UGT1A10: variants seen among roughly 807,000 people sequenced by gnomAD.
UGT1A10 encodes the protein UDP glucuronosyltransferase family 1 member A10.
UGT1A10 carries 49 observed loss-of-function variants against 45.8 expected under a neutral mutation model. The ratio of observed to expected loss-of-function variants is 1.07; its 90% CI spans 0.85 to 1.36. UGT1A10 has a LOEUF of 1.36. Ranked by LOEUF, UGT1A10 falls within the 40% of genes most tolerant of loss-of-function variation. The pLI is 0.00. For synonymous variants in UGT1A10, 284 were observed against 249.7 expected, an observed-to-expected ratio of 1.14 and a Z score of -1.29; for missense variants, 745 against 668.6, an observed-to-expected ratio of 1.11 and a Z score of -1.26.
chr2:233,734,094 C>T (rs981980802), intron 1 of UGT1A10, among the ~76,000 whole-genome samples: 3 of 151,762 alleles, frequency 2.0e-5, no homozygotes, highest in African/African-American at 7.3e-5. Flanking sequence ...CACCCTAAAA[C>T]TTAAAGTATA....
chr2:233,703,725 A>AC (rs2125593677), intron 1 of UGT1A10, among the ~76,000 whole-genome samples: 1 of 152,128 alleles, frequency 6.6e-6, no homozygotes, highest in East Asian at 1.9e-4. Flanking sequence ...TTAAATATAA[A>AC]CTTTTTTTTG....
At chr2:233,674,162 A>G (rs1214639347) in intron 1 of UGT1A10, among the ~76,000 whole-genome samples, 1 of 152,214 alleles carries the variant, frequency 6.6e-6, no homozygotes, top group Non-Finnish European at 1.5e-5. Context: ...TTGGTAACAC[A>G]GTCATATTCT....
chr2:233,641,835 C>A (rs977714640), intron 1 of UGT1A10, among the ~76,000 whole-genome samples: 1 of 152,088 alleles, frequency 6.6e-6, no homozygotes, highest in Admixed American at 6.6e-5. Context: ...ATGCCACTCT[C>A]TCCTGGCCTG....
chr2:233,724,108 C>T (rs1455095780), intron 1 of UGT1A10, among the ~76,000 whole-genome samples: 64 of 55,750 alleles, frequency 1.1e-3, no homozygotes, highest in South Asian at 2.6e-3. Context: ...TAGGGGCGGC[C>T]GGGCAGAGGC....
intron 1 of UGT1A10, among the ~76,000 whole-genome samples, chr2:233,686,724 G>C (rs948109683): frequency 6.6e-6 from 1 of 152,120 alleles, no homozygotes; most frequent in Non-Finnish European, 1.5e-5. Context: ...CGGCTATGAA[G>C]GTCAACCTCT....
chr2:233,657,010 C>T (rs1351457913), intron 1 of UGT1A10, among the ~76,000 whole-genome samples: 1 of 151,976 alleles, frequency 6.6e-6, no homozygotes, highest in Middle Eastern at 3.2e-3. Context: ...AACCTTTCTA[C>T]GTCTTTATGA....
chr2:233,769,481 G>C lies in UGT1A10; in HGVS notation c.1295+1042G>C. ...TTCATATGCGTGTGTGTGTGTGTGCGTGTGTTTATGAGAGTGTCCATTGCT... is the reference window on the plus strand; with the variant it reads ...TTCATATGCGTGTGTGTGTGTGTGCCTGTGTTTATGAGAGTGTCCATTGCT... On this transcript the variant is annotated intron_variant, in intron 4 of 4. Coordinates refer to ENST00000344644, the MANE Select transcript of UGT1A10 (RefSeq NM_019075.4). This position sits in a 1 kb window ranked among gnomAD's most constrained non-coding sequence, Gnocchi z 4.4. 6.2e-7 allele frequency: 1 copy of C among 1,612,192 alleles called. No homozygotes were observed. The highest frequency in any genetic ancestry group is 1.1e-5 in the South Asian group (1 of 91,012).
chr2:233,648,764 TG>T, intron 1 of UGT1A10: 1 of 740,526 alleles, frequency 1.4e-6, no homozygotes, highest in African/African-American at 1.8e-5. Flanking sequence ...ACACCCAGCC[TG>T]GATGCCATGA....
chr2:233,712,799 T>C (rs2076255555), intron 1 of UGT1A10, among the ~76,000 whole-genome samples: 1 of 152,254 alleles, frequency 6.6e-6, no homozygotes, highest in Non-Finnish European at 1.5e-5. Context: ...GTGATCGGTC[T>C]TTCCCAGGGT....
chr2:233,754,105 C>T (rs1695394703), intron 1 of UGT1A10, among the ~76,000 whole-genome samples: 1 of 152,196 alleles, frequency 6.6e-6, no homozygotes, highest in South Asian at 2.1e-4. Context: ...TCAACTCTTC[C>T]TACATCACGA....
chr2:233,760,416 GCTTGGGGC>G, intron 1 of UGT1A10: 1 of 1,614,218 alleles, frequency 6.2e-7, no homozygotes, highest in Non-Finnish European at 8.5e-7. Flanking sequence ...GGCTGAGCAT[GCTTGGGGC>G]CATCCAGCAG....
intron 1 of UGT1A10, among the ~76,000 whole-genome samples, chr2:233,681,051 T>A (rs746474324): frequency 6.6e-6 from 1 of 151,772 alleles, no homozygotes; most frequent in Non-Finnish European, 1.5e-5. Context: ...AAGCAGCACT[T>A]GTGGCTCACC....
At chr2:233,712,790 T>G (rs28898600) in intron 1 of UGT1A10, among the ~76,000 whole-genome samples, 3,267 of 152,150 alleles carry the variant, frequency 0.021, 105 homozygotes, top group African/African-American at 0.073. Flanking sequence ...AAGATAGGAG[T>G]GATCGGTCTT....
chr2:233,639,494 A>G (rs1360557945), intron 1 of UGT1A10, among the ~76,000 whole-genome samples: 2 of 152,216 alleles, frequency 1.3e-5, no homozygotes, highest in African/African-American at 4.8e-5. Flanking sequence ...TGGGAAAAGC[A>G]TGCAGTTGGT....
At chr2:233,642,860 A>G (rs986648020) in intron 1 of UGT1A10, among the ~76,000 whole-genome samples, 5 of 151,896 alleles carry the variant, frequency 3.3e-5, no homozygotes, top group African/African-American at 1.2e-4. Context: ...CTTCCTCCCA[A>G]AAATACAGAG....
chr2:233,693,708 C>G, intron 1 of UGT1A10: 1 of 1,614,214 alleles, frequency 6.2e-7, no homozygotes, highest in East Asian at 2.2e-5. Flanking sequence ...CTCGCATCAG[C>G]TGTCCTCAAG....
chr2:233,700,965 C>T (rs573985854), intron 1 of UGT1A10, among the ~76,000 whole-genome samples: 8 of 151,868 alleles, frequency 5.3e-5, no homozygotes, highest in East Asian at 3.9e-4. Context: ...TGAGAACATG[C>T]GGTGTTTGAT....
chr2:233,644,188 A>G (rs1176360271), intron 1 of UGT1A10, among the ~76,000 whole-genome samples: 1 of 152,090 alleles, frequency 6.6e-6, no homozygotes, highest in Non-Finnish European at 1.5e-5. Flanking sequence ...GGCCAAGACC[A>G]TTTTGGCCCT....
chr2:233,639,607 TG>T (rs45497799), intron 1 of UGT1A10, among the ~76,000 whole-genome samples: 1,783 of 152,276 alleles, frequency 0.012, 30 homozygotes, highest in African/African-American at 0.04. Context: ...TGTATGTGTT[TG>T]TGTATGTGCA....
Sources: allele counts gnomAD v4.1 joint callset (sites outside exome capture counted in the v4.1 genomes callset), GRCh38; gene constraint gnomAD v4.1.1; non-coding constraint Gnocchi (gnomAD v3.1); transcripts MANE v1.5; gene names NCBI Gene and HGNC (gene_info 2026-07-23, HGNC 2026-07-21).